UNC79: variants seen among roughly 807,000 people sequenced by gnomAD.
UNC79 encodes protein unc-79 homolog.
Under a neutral mutation model 283.1 loss-of-function variants are expected in UNC79, and 37 were observed. That is an observed-to-expected ratio of 0.13 (90% confidence interval 0.10 to 0.17). The LOEUF is 0.17. Among genes scored for constraint, UNC79 ranks in the 10% least tolerant of loss-of-function variants. The pLI is 1.00. For missense variants in UNC79, 2,272 were observed against 3,211.1 expected (o/e 0.71, Z 7.07); for synonymous variants, 1,107 against 1,200.2 (o/e 0.92, Z 1.61).
intron 29 of UNC79, among the ~76,000 whole-genome samples, chr14:93,618,870 A>G (rs1194771949): frequency 6.6e-6 from 1 of 152,236 alleles, no homozygotes; most frequent in East Asian, 1.9e-4. Flanking sequence ...CATTATCAAC[A>G]CTTTTTCTAT....
At chr14:93,624,785 G>T (rs1009483558) in intron 30 of UNC79, among the ~76,000 whole-genome samples, 1 of 152,040 alleles carries the variant, frequency 6.6e-6, no homozygotes, top group Non-Finnish European at 1.5e-5. Context: ...AAGGAGTCCC[G>T]TGTGCTCAGA....
Position 93,390,278 on chromosome 14 carries a change from A to G in UNC79, c.-351+56755A>G, listed in dbSNP as rs536336081. ...TGATAAAAGTCAACATATATTCATG[A>G]TAAAAACATTCAACAAATTAATAAT... On this transcript the variant is annotated intron_variant, in intron 1 of 49. Coordinates refer to the UNC79 transcript ENST00000256339. 3.9e-5 allele frequency among the ~76,000 whole-genome samples: 6 copies of G among 152,338 alleles called. No individual in the cohort carries two copies. The South Asian group carries it at 1.0e-3, about 26-fold the overall frequency.
intron 26 of UNC79, among the ~76,000 whole-genome samples, chr14:93,606,724 C>G (rs1208358714): frequency 1.3e-5 from 2 of 152,160 alleles, no homozygotes; most frequent in Non-Finnish European, 2.9e-5. Context: ...CAATTTATGA[C>G]TCTCTGATCT....
At chr14:93,514,918 G>T (rs1487416529) in intron 7 of UNC79, among the ~76,000 whole-genome samples, 1 of 152,150 alleles carries the variant, frequency 6.6e-6, no homozygotes, top group Non-Finnish European at 1.5e-5. Context: ...TATTATGGTT[G>T]TAACTGGAAG....
chr14:93,620,060 G>C (rs1194605198), intron 29 of UNC79, among the ~76,000 whole-genome samples: 2 of 152,204 alleles, frequency 1.3e-5, no homozygotes, highest in Non-Finnish European at 2.9e-5. Flanking sequence ...GGCCACATGG[G>C]TGTAGAAGGG....
At chr14:93,639,948 G>C (rs1414760813) in intron 32 of UNC79, among the ~76,000 whole-genome samples, 1 of 152,214 alleles carries the variant, frequency 6.6e-6, no homozygotes, top group Non-Finnish European at 1.5e-5. Flanking sequence ...CCAGCACCAA[G>C]ATACTAATTC....
exon 33 of UNC79, chr14:93,641,181 T>C (rs1248492807): frequency 1.9e-6 from 3 of 1,613,626 alleles, no homozygotes; most frequent in East Asian, 4.5e-5. Context: ...GCACCAAGCA[T>C]AGTCAGTATG....
At chr14:93,520,232 T>C (rs1409497507) in intron 7 of UNC79, among the ~76,000 whole-genome samples, 1 of 151,974 alleles carries the variant, frequency 6.6e-6, no homozygotes, top group Admixed American at 6.6e-5. Context: ...CGTTCCATTG[T>C]CTTCTGGCTT....
Position 93,666,508 on chromosome 14 carries a change from T to G in UNC79, c.6636+3794T>G, listed in dbSNP as rs117004533. Among the ~76,000 whole-genome samples, 645 of 152,204 alleles carry G rather than the reference T, an allele frequency of 4.2e-3. 4 individuals are homozygous for G. Among genetic ancestry groups the G allele is most frequent in the Non-Finnish European group, 7.3e-3 (496 of 67,990 alleles). ...CTGACTTTAAGTTGAAAAGCATTAT[T>G]ACAAAGAAAGTCACAATATATTGAT... On this transcript the variant is annotated intron_variant, in intron 40 of 48. Transcript: ENST00000555664.
At chr14:93,436,306 AG>A (rs1169343570) in intron 1 of UNC79, among the ~76,000 whole-genome samples, 3 of 152,228 alleles carry the variant, frequency 2.0e-5, no homozygotes, top group African/African-American at 7.2e-5. Flanking sequence ...AGTTGTCAAA[AG>A]TACTTAAAAT....
intron 26 of UNC79, among the ~76,000 whole-genome samples, chr14:93,611,280 G>C (rs2066283656): frequency 6.6e-6 from 1 of 152,054 alleles, no homozygotes; most frequent in Non-Finnish European, 1.5e-5. Context: ...GAGTGTCCTG[G>C]AATCATACTA....
chr14:93,558,592 GATTTTTTTTTTTTT>G (rs2062334774), intron 14 of UNC79, among the ~76,000 whole-genome samples: 1 of 90,036 alleles, frequency 1.1e-5, no homozygotes, highest in Non-Finnish European at 2.1e-5. Context: ...GAGAAACAGG[GATTTTTTTTTTTTT>G]TTTTTTTTTT....
chr14:93,600,847 A>G, intron 25 of UNC79, 77 bp downstream of exon 25: 1 of 1,506,150 alleles, frequency 6.6e-7, no homozygotes, highest in Non-Finnish European at 9.0e-7. Flanking sequence ...AGACATTGGC[A>G]TGTCGTTTAA....
chr14:93,583,711 G>C (rs2063992392), intron 20 of UNC79, among the ~76,000 whole-genome samples: 1 of 152,128 alleles, frequency 6.6e-6, no homozygotes, highest in South Asian at 2.1e-4. Flanking sequence ...GCAACCCCTG[G>C]GGGGAAGAGG....
chr14:93,462,122 C>T (rs950290461), intron 1 of UNC79, among the ~76,000 whole-genome samples: 32 of 152,126 alleles, frequency 2.1e-4, no homozygotes, highest in Admixed American at 2.0e-4. Flanking sequence ...GCCTGGCCAA[C>T]ATGGTGAAAC....
Position 93,647,044 on chromosome 14 carries a change from A to G in UNC79, c.6083+398A>G, listed in dbSNP as rs182825442. Among the ~76,000 whole-genome samples the G allele has an allele frequency of 1.6e-3, 247 of 152,258 alleles. 1 individual carries two copies. The highest frequency in any genetic ancestry group is 5.7e-3 in the African/African-American group (237 of 41,542). ...CACTCAGGCCTTCACTGGGGGCAAA[A>G]CTGACATGATTCCTGCCGTCATGGG... On this transcript the variant is annotated intron_variant, in intron 35 of 48. Transcript: ENST00000555664.
Position 93,344,297 on chromosome 14 carries a change from C to T in UNC79, c.-351+10774C>T, listed in dbSNP as rs142773337. ...CAAAGAAAAAAGTCTTGACTAATAT[C>T]GTCTTTCTTAAAGCTCTTTTGTTGT... On this transcript the variant is annotated intron_variant, in intron 1 of 49. Coordinates refer to the UNC79 transcript ENST00000256339. Among the ~76,000 whole-genome samples, 319 of 152,240 alleles carry T rather than the reference C, an allele frequency of 2.1e-3. 3 individuals are homozygous for T. The highest frequency in any genetic ancestry group is 7.2e-3 in the African/African-American group (300 of 41,528).
chr14:93,591,851 C>G (rs539152757), intron 22 of UNC79, among the ~76,000 whole-genome samples: 1 of 152,190 alleles, frequency 6.6e-6, no homozygotes, highest in Non-Finnish European at 1.5e-5. Context: ...TTGCAATTTA[C>G]TGGAGAGAGG....
intron 18 of UNC79, among the ~76,000 whole-genome samples, chr14:93,578,820 A>G (rs1193590257): frequency 1.3e-5 from 2 of 152,230 alleles, no homozygotes; most frequent in Non-Finnish European, 2.9e-5. Flanking sequence ...AATAATAGTA[A>G]TGTCATCTTT....
Sources: gnomAD v4.1 joint callset for allele counts (sites outside exome capture counted in the v4.1 genomes callset) on GRCh38, gnomAD v4.1.1 for gene constraint, MANE v1.5 for transcripts, NCBI Gene and HGNC (gene_info 2026-07-23, HGNC 2026-07-21) for gene names.